Variants in CSGALNACT2 observed in about 807,000 individuals in gnomAD.
CSGALNACT2 encodes beta 4 GalNAcT-2.
Under a neutral mutation model 55.3 loss-of-function variants are expected in CSGALNACT2, and 35 were observed. The observed-to-expected ratio is 0.63, with a 90% CI of 0.48 to 0.84. The LOEUF (loss-of-function observed/expected upper bound fraction) is 0.84. CSGALNACT2 is among the 40% of genes least tolerant of loss of function. The pLI, the probability that CSGALNACT2 is intolerant of heterozygous loss-of-function variation, is 0.00. For missense variants in CSGALNACT2, 544 were observed against 657.5 expected (o/e 0.83, Z 1.89); for synonymous variants, 196 against 224.9 (o/e 0.87, Z 1.15).
rs776941721 is a variant in CSGALNACT2 at position 43,155,690 on chromosome 10, G to A, written c.541G>A (p.Val181Met). Reference sequence around the variant, plus strand: ...TAGAAAAGACAAACGAGATGAATTGGTGGAAGTTATTGAAGCGGGCTTGGA... The same window carrying A: ...TAGAAAAGACAAACGAGATGAATTGATGGAAGTTATTGAAGCGGGCTTGGA... ...PVRKDKRDEL[V>M]EVIEAGLEVI... is the part of the protein sequence containing the mutation. The change falls in exon 2 of 8, where the codon GTG (valine) becomes ATG (methionine). Residue 181 changes from valine (V) to methionine (M), a missense_variant. This residue lies in a region of CSGALNACT2 where 374 missense variants were observed against 401.3 expected (regional missense o/e 0.93). Transcript: ENST00000374466. The A allele has an allele frequency of 6.2e-7, 1 of 1,614,184 alleles. No individual in the cohort carries two copies. Among genetic ancestry groups the A allele is most frequent in the Middle Eastern group, 1.6e-4 (1 of 6,062 alleles).
chr10:43,157,901 C>G (rs905187797), intron 2 of CSGALNACT2, among the ~76,000 whole-genome samples: 1 of 151,828 alleles, frequency 6.6e-6, no homozygotes, highest in Non-Finnish European at 1.5e-5. Flanking sequence ...TGGTGACACA[C>G]GCCTGTAGTC....
chr10:43,183,930 G>T lies in CSGALNACT2; in HGVS notation c.*388G>T. 1 of 233,014 alleles carries T rather than the reference G, an allele frequency of 4.3e-6. No individual in the cohort carries two copies. Among genetic ancestry groups the T allele is most frequent in the South Asian group, 6.6e-5 (1 of 15,130 alleles). The allele number at this position is 233,014 out of a possible 1,614,324, so 14.4% of individuals were successfully genotyped here. A position where few individuals can be genotyped will look rare whatever the true frequency, so the allele number is the denominator to read the frequency against. On this transcript the variant is annotated 3_prime_UTR_variant, in exon 8 of 8. Coordinates refer to ENST00000374466, the MANE Select transcript of CSGALNACT2 (RefSeq NM_018590.5). Reference sequence around the variant, plus strand: ...GAGAGCAGCACATTCTTACAGAGGAGATGGAGCGTTATGAGCATAGTATGT... The same window carrying T: ...GAGAGCAGCACATTCTTACAGAGGATATGGAGCGTTATGAGCATAGTATGT...
intron 1 of CSGALNACT2, among the ~76,000 whole-genome samples, chr10:43,150,476 A>G (rs532132538): frequency 2.6e-5 from 4 of 152,324 alleles, no homozygotes; most frequent in Admixed American, 2.0e-4. Flanking sequence ...TTTTTCAAAG[A>G]TAATTTCTCT....
intron 1 of CSGALNACT2, among the ~76,000 whole-genome samples, chr10:43,146,465 C>T (rs759471787): frequency 1.3e-5 from 2 of 152,202 alleles, no homozygotes; most frequent in African/African-American, 2.4e-5. Flanking sequence ...TGGGTCTACC[C>T]CTCCCAGTCC....
At chr10:43,161,714 A>C (rs1175930493) in intron 4 of CSGALNACT2, among the ~76,000 whole-genome samples, 1 of 152,018 alleles carries the variant, frequency 6.6e-6, no homozygotes, top group Admixed American at 6.6e-5. Context: ...GAGTAAAACC[A>C]TTTTCACCAT....
chr10:43,152,591 A>G (rs149541390), intron 1 of CSGALNACT2, among the ~76,000 whole-genome samples: 2 of 152,314 alleles, frequency 1.3e-5, no homozygotes, highest in East Asian at 3.9e-4. Flanking sequence ...TATTTTATTG[A>G]AAAGTAAACC....
intron 1 of CSGALNACT2, among the ~76,000 whole-genome samples, chr10:43,149,805 C>T (rs558865916): frequency 4.6e-5 from 7 of 152,236 alleles, no homozygotes; most frequent in South Asian, 4.1e-4. Flanking sequence ...TGGTGGCTCA[C>T]GCCTGTGATC....
chr10:43,153,648 C>A (rs1838929567), intron 1 of CSGALNACT2, among the ~76,000 whole-genome samples: 4 of 152,146 alleles, frequency 2.6e-5, no homozygotes, highest in Admixed American at 2.6e-4. Flanking sequence ...AACCTGCTGT[C>A]ATATCACATT....
rs750584052 is a variant in CSGALNACT2 at position 43,155,164 on chromosome 10, AC to A, written c.16del (p.Leu6Ter). On this transcript the variant is annotated frameshift_variant, in exon 2 of 8. Transcript: ENST00000374466. LOFTEE classifies it high-confidence loss of function. The stretch of plus-strand genomic sequence containing the variant: ...CATTAATAAGAATGCCTAGAAGAGG[AC>A]TGATTCTTCACACCCGGACCCACTG... MPRRG[L>X]ILHTRTHWLL... is the part of the protein sequence containing the mutation. The A allele has an allele frequency of 1.2e-6, 2 of 1,613,530 alleles. No homozygotes were observed. The highest frequency in any genetic ancestry group is 1.7e-6 in the Non-Finnish European group (2 of 1,179,588).
intron 1 of CSGALNACT2, among the ~76,000 whole-genome samples, chr10:43,146,840 G>A (rs1423121419): frequency 1.3e-5 from 2 of 151,224 alleles, no homozygotes; most frequent in South Asian, 2.1e-4. Context: ...GTCCTTCCAC[G>A]TTAACAACAC....
chr10:43,152,131 C>G (rs1490340283), intron 1 of CSGALNACT2, among the ~76,000 whole-genome samples: 1 of 152,124 alleles, frequency 6.6e-6, no homozygotes, highest in Non-Finnish European at 1.5e-5. Flanking sequence ...TTCACATTAT[C>G]CTTTTCTCTC....
At chr10:43,176,669 G>A (rs756297330) in intron 7 of CSGALNACT2, among the ~76,000 whole-genome samples, 13 of 152,246 alleles carry the variant, frequency 8.5e-5, no homozygotes, top group Non-Finnish European at 1.6e-4. Flanking sequence ...AGGCTCAAGC[G>A]ATCCTCCTAC....
intron 1 of CSGALNACT2, among the ~76,000 whole-genome samples, chr10:43,150,067 C>CA (rs1476379342): frequency 6.6e-6 from 1 of 151,818 alleles, no homozygotes; most frequent in South Asian, 2.1e-4. Flanking sequence ...AACTCTGTCT[C>CA]AAAAAAAATA....
At position 43,147,502 on chromosome 10, in the gene CSGALNACT2, A is replaced by G. The variant is rs371528881; in HGVS notation, c.-253-7395A>G. ...AGATTGCTAATTTTGATGAAATTCA[A>G]TTTATCATTTATGCTATTGAATATC... On this transcript the variant is annotated intron_variant, in intron 1 of 7. Transcript: ENST00000374466. Among the ~76,000 whole-genome samples the G allele has an allele frequency of 1.8e-4, 27 of 152,198 alleles. 1 individual carries two copies. The highest frequency in any genetic ancestry group is 9.6e-4 in the East Asian group (5 of 5,194).
intron 7 of CSGALNACT2, among the ~76,000 whole-genome samples, chr10:43,180,307 C>CT (rs1003358625): frequency 2.6e-5 from 4 of 151,572 alleles, no homozygotes; most frequent in South Asian, 2.1e-4. Flanking sequence ...TATTTTCAGT[C>CT]TTTTTTTTTC....
At chr10:43,150,723 T>C (rs925070414) in intron 1 of CSGALNACT2, among the ~76,000 whole-genome samples, 3 of 152,200 alleles carry the variant, frequency 2.0e-5, no homozygotes, top group African/African-American at 7.2e-5. Context: ...TGGGATTGGT[T>C]GAGCTTCTTA....
In CSGALNACT2 at chr10:43,158,808, G is replaced by T; in HGVS notation, c.755G>T (p.Arg252Leu). 1 of 1,610,854 alleles carries T rather than the reference G, an allele frequency of 6.2e-7. No homozygotes were observed. Among genetic ancestry groups the T allele is most frequent in the Non-Finnish European group, 8.5e-7 (1 of 1,177,356 alleles). ...GAATATAGACATGTGACCCTCTTCCGCCCTTTTGGACCTCTCATGAAAGTG... is the reference window on the plus strand; with the variant it reads ...GAATATAGACATGTGACCCTCTTCCTCCCTTTTGGACCTCTCATGAAAGTG... ...LTEYRHVTLF[R>L]PFGPLMKVKS... The change falls in exon 3 of 8, where the codon CGC becomes CTC. Residue 252 changes from arginine (R) to leucine (L), a missense_variant. Around this residue, in one of 2 missense-constraint regions of CSGALNACT2, gnomAD observed 374 missense variants for 401.3 expected, o/e 0.93. Transcript: ENST00000374466.
At chr10:43,146,338 G>C (rs1346311774) in intron 1 of CSGALNACT2, among the ~76,000 whole-genome samples, 2 of 152,204 alleles carry the variant, frequency 1.3e-5, no homozygotes, top group Non-Finnish European at 2.9e-5. Context: ...GAAGCATCCA[G>C]CATGGGAGAA....
At chr10:43,164,078 G>A (rs1016989191) in intron 5 of CSGALNACT2, 34 bp downstream of exon 5, 1 of 1,567,956 alleles carries the variant, frequency 6.4e-7, no homozygotes, top group Non-Finnish European at 8.7e-7. Context: ...GCTGACTATA[G>A]AATTTAGAAC....
Sources: allele counts gnomAD v4.1 joint callset (sites outside exome capture counted in the v4.1 genomes callset), GRCh38; gene constraint gnomAD v4.1.1; regional missense constraint gnomAD v4.1.1; transcripts MANE v1.5; gene names NCBI Gene and HGNC (gene_info 2026-07-23, HGNC 2026-07-21).